The following VCPIP1 variants were observed in gnomAD, a reference collection of about 807,000 sequenced individuals.
VCPIP1 encodes valosin containing protein interacting protein 1, also known as deubiquitinating protein VCPIP1.
In VCPIP1, 8 loss-of-function variants were observed where a neutral mutation model predicts 85.0. The ratio of observed to expected loss-of-function variants is 0.09; its 90% CI spans 0.06 to 0.17. The LOEUF (loss-of-function observed/expected upper bound fraction) is 0.17. VCPIP1 is among the 10% of genes least tolerant of loss of function. The pLI is 1.00. For synonymous variants in VCPIP1, 543 were observed against 544.5 expected (o/e 1.00, Z 0.04); for missense variants, 1,070 against 1,486.3 (o/e 0.72, Z 4.61).
chr8:66,642,607 A>G (rs1810958134), intron 2 of VCPIP1, among the ~76,000 whole-genome samples: 1 of 152,208 alleles, frequency 6.6e-6, no homozygotes, highest in Non-Finnish European at 1.5e-5. Flanking sequence ...GGCAGAGGTC[A>G]AACCTGAGGT....
Position 66,658,338 on chromosome 8 carries a change from A to G in VCPIP1, c.2710+5911T>C, listed in dbSNP as rs1359884197. 6.1e-3 allele frequency among the ~76,000 whole-genome samples: 831 copies of G among 136,598 alleles called. 14 individuals carry two copies. The highest frequency in any genetic ancestry group is 0.05 in the Admixed American group (690 of 13,732). The allele number at this position is 136,598 out of a possible 152,430, so 89.6% of individuals were successfully genotyped here. A position where few individuals can be genotyped will look rare whatever the true frequency, so the allele number is the denominator to read the frequency against. On this transcript the variant is annotated intron_variant, in intron 1 of 2. Coordinates refer to ENST00000310421, the MANE Select transcript of VCPIP1 (RefSeq NM_025054.5). ...GACAGAGCAAGGCTCCATCTTGGGG[A>G]AAAAAAAAAAAAAAAAGAAGAATAT...
chr8:66,633,377 A>G lies in VCPIP1; in HGVS notation c.*1124T>C, dbSNP rs563778466. On this transcript the variant is annotated 3_prime_UTR_variant, in exon 3 of 3. Transcript: ENST00000310421. The stretch of plus-strand genomic sequence containing the variant: ...GCAGAATAAAATAAAATAGTGCAAT[A>G]CCAATCTCAGGATAAACACTCTTCT... 1 of 152,656 alleles carries G rather than the reference A, an allele frequency of 6.6e-6. No individual in the cohort carries two copies. Among genetic ancestry groups the G allele is most frequent in the Admixed American group, 6.5e-5 (1 of 15,292 alleles). 9.5% of individuals were successfully genotyped at this position (152,656 alleles called of 1,614,324 possible). A position where few individuals can be genotyped will look rare whatever the true frequency, so the allele number is the denominator to read the frequency against.
chr8:66,641,376 GT>G (rs577182556), intron 2 of VCPIP1, among the ~76,000 whole-genome samples: 122 of 147,182 alleles, frequency 8.3e-4, no homozygotes, highest in South Asian at 1.7e-3. Flanking sequence ...TATATATATA[GT>G]TTTTTTTTTT....
intron 1 of VCPIP1, among the ~76,000 whole-genome samples, chr8:66,656,944 C>A (rs960671181): frequency 6.6e-5 from 10 of 152,048 alleles, no homozygotes; most frequent in Non-Finnish European, 1.5e-4. Context: ...CTTGCTCTGT[C>A]CCCCAGCCTG....
In VCPIP1 at chr8:66,665,216, A is replaced by T. The variant is rs766892604; in HGVS notation, c.1743T>A (p.Asp581Glu). 6.2e-7 allele frequency: 1 copy of T among 1,614,068 alleles called. No homozygotes were observed. The highest frequency in any genetic ancestry group is 8.5e-7 in the Non-Finnish European group (1 of 1,179,984). The change falls in exon 1 of 3, where the codon GAT becomes GAA. Residue 581 changes from aspartate (D) to glutamate (E), a missense_variant. Asp to Glu is a conservative substitution (Grantham distance 45). Coordinates refer to ENST00000310421, the MANE Select transcript of VCPIP1 (RefSeq NM_025054.5). This position sits in a 1 kb window ranked among gnomAD's most constrained non-coding sequence, Gnocchi z 4.3. ...KCGCGFKHFW[D>E]GKEYDNLPEA... ...CTGGTAGATTGTCATACTCCTTACCATCCCAAAAGTGTTTGAATCCACAAC... is the reference window on the plus strand; with the variant it reads ...CTGGTAGATTGTCATACTCCTTACCTTCCCAAAAGTGTTTGAATCCACAAC...
chr8:66,638,386 C>A (rs1288874575), intron 2 of VCPIP1, among the ~76,000 whole-genome samples: 5 of 149,514 alleles, frequency 3.3e-5, no homozygotes, highest in African/African-American at 1.2e-4. Flanking sequence ...ACCTGGAAGA[C>A]TGAGGCAGAA....
At position 66,629,396 on chromosome 8, in the gene VCPIP1, A is replaced by G. The variant is rs1810811643; in HGVS notation, c.*5105T>C. ...GTAAACGTGTTGACTGCTAAGCTAC[A>G]CAAACGTTATTTAGTACTATTATCT... On this transcript the variant is annotated 3_prime_UTR_variant, in exon 3 of 3. Coordinates refer to ENST00000310421, the MANE Select transcript of VCPIP1 (RefSeq NM_025054.5). 1 of 152,218 alleles carries G rather than the reference A, an allele frequency of 6.6e-6. No homozygotes were observed. The highest frequency in any genetic ancestry group is 6.5e-5 in the Admixed American group (1 of 15,276). The allele number at this position is 152,218 out of a possible 1,614,324, so 9.4% of individuals were successfully genotyped here. A position where few individuals can be genotyped will look rare whatever the true frequency, so the allele number is the denominator to read the frequency against.
chr8:66,643,680 G>A (rs1192476165), intron 2 of VCPIP1, among the ~76,000 whole-genome samples: 5 of 151,858 alleles, frequency 3.3e-5, no homozygotes, highest in Non-Finnish European at 7.4e-5. Flanking sequence ...TCCAGCCCAG[G>A]CAAGAGATTG....
chr8:66,638,970 C>CTCTCTCTCTCTCTCTATA, intron 2 of VCPIP1, among the ~76,000 whole-genome samples: 2 of 118,424 alleles, frequency 1.7e-5, no homozygotes, highest in African/African-American at 7.8e-5. Flanking sequence ...CTCTCTCTCT[C>CTCTCTCTCTCTCTCTATA]TATATATATA....
intron 2 of VCPIP1, among the ~76,000 whole-genome samples, chr8:66,636,372 G>GA (rs769704117): frequency 6.6e-6 from 1 of 151,726 alleles, no homozygotes; most frequent in Non-Finnish European, 1.5e-5. Flanking sequence ...TGAAACAATG[G>GA]AAAAAAATCT....
At chr8:66,640,443 T>C (rs1308023918) in intron 2 of VCPIP1, among the ~76,000 whole-genome samples, 4 of 152,226 alleles carry the variant, frequency 2.6e-5, no homozygotes, top group Non-Finnish European at 4.4e-5. Context: ...CTGACTCTGA[T>C]ACAGAAAGGA....
At position 66,630,082 on chromosome 8, in the gene VCPIP1, A is replaced by G. The variant is rs550396191; in HGVS notation, c.*4419T>C. On this transcript the variant is annotated 3_prime_UTR_variant, in exon 3 of 3. Transcript: ENST00000310421. ...AAGCTAATGTGGAGAATTTCAGGGG[A>G]AAATCAGTATTAACTTATAGTTTTA... 2.0e-5 allele frequency: 3 copies of G among 152,326 alleles called. No individual in the cohort carries two copies. Among genetic ancestry groups the G allele is most frequent in the South Asian group, 4.1e-4 (2 of 4,824 alleles). 9.4% of individuals were successfully genotyped at this position (152,326 alleles called of 1,614,324 possible).
intron 1 of VCPIP1, among the ~76,000 whole-genome samples, chr8:66,651,975 A>G (rs1425278865): frequency 6.7e-6 from 1 of 149,896 alleles, no homozygotes; most frequent in Non-Finnish European, 1.5e-5. Flanking sequence ...GAGTTCCGAT[A>G]CCAGCTTTGG....
Position 66,665,395 on chromosome 8 carries a change from C to G in VCPIP1, c.1564G>C (p.Val522Leu). ...LNNLVCSYDSVKDVLVPDYGM... is the reference protein window; with the variant it reads ...LNNLVCSYDSLKDVLVPDYGM... ...TAGTCTGGTACCAGAACATCTTTCA[C>G]TGAATCATATGAGCAAACCAAATTG... The change falls in exon 1 of 3, where the codon GTG (valine) becomes CTG (leucine). Residue 522 changes from valine to leucine, a missense_variant. Physicochemically the swap from Val to Leu is conservative, Grantham distance 32. Coordinates refer to ENST00000310421, the MANE Select transcript of VCPIP1 (RefSeq NM_025054.5). The surrounding 1 kb of genome is among the most constrained non-coding windows in gnomAD (Gnocchi z 4.3). 4 of 1,614,202 alleles carry G rather than the reference C, an allele frequency of 2.5e-6. No individual in the cohort carries two copies. The highest frequency in any genetic ancestry group is 3.4e-6 in the Non-Finnish European group (4 of 1,180,036).
chr8:66,664,228 T>A (rs375896088), intron 1 of VCPIP1, 21 bp downstream of exon 1: 4 of 1,523,912 alleles, frequency 2.6e-6, no homozygotes, highest in African/African-American at 2.8e-5. Context: ...AGATATACCA[T>A]CAGAATTAAA....
intron 2 of VCPIP1, among the ~76,000 whole-genome samples, chr8:66,637,849 A>G (rs954369217): frequency 6.6e-6 from 1 of 151,864 alleles, no homozygotes; most frequent in African/African-American, 2.4e-5. Flanking sequence ...GCAGGCACCT[A>G]TAGTCCCAGC....
intron 2 of VCPIP1, among the ~76,000 whole-genome samples, chr8:66,643,184 A>G (rs185036161): frequency 3.9e-4 from 59 of 152,176 alleles, no homozygotes; most frequent in African/African-American, 1.3e-3. Flanking sequence ...TTAGCCAGGC[A>G]TGGTGGCACA....
chr8:66,631,281 T>C lies in VCPIP1; in HGVS notation c.*3220A>G, dbSNP rs1810832258. ...TTTATGCTGCCACTATATTGACCAG[T>C]TGAAGTGTAATTAATGACAGAAGTA... On this transcript the variant is annotated 3_prime_UTR_variant, in exon 3 of 3. Transcript: ENST00000310421. 1 of 152,392 alleles carries C rather than the reference T, an allele frequency of 6.6e-6. No individual in the cohort carries two copies. Among genetic ancestry groups the C allele is most frequent in the Non-Finnish European group, 1.5e-5 (1 of 67,970 alleles). 9.4% of individuals were successfully genotyped at this position (152,392 alleles called of 1,614,324 possible). A position where few individuals can be genotyped will look rare whatever the true frequency, so the allele number is the denominator to read the frequency against.
chr8:66,648,709 C>T (rs1473632870), intron 2 of VCPIP1, among the ~76,000 whole-genome samples: 3 of 152,080 alleles, frequency 2.0e-5, no homozygotes, highest in African/African-American at 7.2e-5. Context: ...CGTGCACCAC[C>T]ACACCCGGCT....
Sources: allele counts gnomAD v4.1 joint callset (sites outside exome capture counted in the v4.1 genomes callset), GRCh38; gene constraint gnomAD v4.1.1; non-coding constraint Gnocchi (gnomAD v3.1); transcripts MANE v1.5; gene names NCBI Gene and HGNC (gene_info 2026-07-23, HGNC 2026-07-21).